Variants in RBFOX1 observed in about 807,000 individuals in gnomAD.
The protein encoded by RBFOX1 is RNA binding protein fox-1 homolog 1.
Under a neutral mutation model 57.7 loss-of-function variants are expected in RBFOX1, and 8 were observed. The observed-to-expected ratio is 0.14, with a 90% CI of 0.08 to 0.25. The LOEUF (loss-of-function observed/expected upper bound fraction) is 0.25, where lower values mean the gene tolerates loss of function less well. RBFOX1 is among the 10% of genes least tolerant of loss of function. The pLI is 1.00. For missense variants in RBFOX1, 611 were observed against 548.5 expected (o/e 1.11, Z -1.14); for synonymous variants, 326 against 222.4 (o/e 1.47, Z -4.15).
intron 4 of RBFOX1, among the ~76,000 whole-genome samples, chr16:7,198,372 T>A (rs947660927): frequency 2.0e-5 from 3 of 152,224 alleles, no homozygotes; most frequent in Non-Finnish European, 4.4e-5. Flanking sequence ...GTGGTAGTTG[T>A]GCAACATTGT....
At chr16:5,451,786 G>C (rs1338067128) in intron 1 of RBFOX1, among the ~76,000 whole-genome samples, 1 of 152,036 alleles carries the variant, frequency 6.6e-6, no homozygotes, top group East Asian at 1.9e-4. Flanking sequence ...TCGTGTACCA[G>C]GCTACCTGAG....
At chr16:7,403,163 G>T (rs1236182098) in intron 4 of RBFOX1, among the ~76,000 whole-genome samples, 1 of 152,086 alleles carries the variant, frequency 6.6e-6, no homozygotes, top group Admixed American at 6.5e-5. Flanking sequence ...TTTGATATAT[G>T]TATACATTAT....
chr16:6,753,232 T>G (rs1241389703), intron 3 of RBFOX1, among the ~76,000 whole-genome samples: 1 of 152,206 alleles, frequency 6.6e-6, no homozygotes, highest in East Asian at 1.9e-4. Context: ...ATAGCTGGGA[T>G]AAAGCAAGTA....
At chr16:5,647,537 C>A (rs1002473193) in intron 3 of RBFOX1, among the ~76,000 whole-genome samples, 1 of 152,122 alleles carries the variant, frequency 6.6e-6, no homozygotes, top group African/African-American at 2.4e-5. Flanking sequence ...AGGCACTGAG[C>A]AAATGTTAGT....
chr16:6,457,202 T>C (rs1033607758), intron 2 of RBFOX1, among the ~76,000 whole-genome samples: 1 of 152,144 alleles, frequency 6.6e-6, no homozygotes, highest in African/African-American at 2.4e-5. Context: ...TAAGACAGTC[T>C]AAGCACCAGT....
intron 4 of RBFOX1, among the ~76,000 whole-genome samples, chr16:7,183,075 G>C (rs1332813897): frequency 6.6e-6 from 1 of 152,136 alleles, no homozygotes; most frequent in Non-Finnish European, 1.5e-5. Context: ...GTAAGCGAAT[G>C]ATCCCCTAAC....
chr16:6,413,668 C>A (rs913186336), intron 2 of RBFOX1, among the ~76,000 whole-genome samples: 1 of 152,026 alleles, frequency 6.6e-6, no homozygotes, highest in Non-Finnish European at 1.5e-5. Context: ...GAATGAGAGC[C>A]ATTTTGTTGG....
intron 3 of RBFOX1, among the ~76,000 whole-genome samples, chr16:5,663,985 C>G (rs746972972): frequency 1.3e-5 from 2 of 152,130 alleles, no homozygotes; most frequent in Non-Finnish European, 2.9e-5. Flanking sequence ...GGCGAAATTC[C>G]TCAGTATGAA....
intron 2 of RBFOX1, among the ~76,000 whole-genome samples, chr16:6,506,741 G>T (rs1290728913): frequency 7.0e-6 from 1 of 143,112 alleles, no homozygotes; most frequent in Non-Finnish European, 1.5e-5. Context: ...TCTGCCTCCA[G>T]GTTCAGGTGA....
At chr16:6,513,262 G>A (rs2096290792) in intron 2 of RBFOX1, among the ~76,000 whole-genome samples, 1 of 152,188 alleles carries the variant, frequency 6.6e-6, no homozygotes, top group Admixed American at 6.5e-5. Context: ...TAGCACAGTG[G>A]TTGCCACGTA....
At chr16:6,642,979 G>A (rs4786899) in intron 2 of RBFOX1, among the ~76,000 whole-genome samples, 8 of 152,070 alleles carry the variant, frequency 5.3e-5, no homozygotes, top group African/African-American at 1.9e-4. Context: ...CTCTTACATC[G>A]TGAGTCATCT....
chr16:7,070,700 A>G (rs1237155587), intron 4 of RBFOX1, among the ~76,000 whole-genome samples: 1 of 152,204 alleles, frequency 6.6e-6, no homozygotes, highest in African/African-American at 2.4e-5. Context: ...TTTAGTAATA[A>G]TACTTTTCTA....
intron 4 of RBFOX1, among the ~76,000 whole-genome samples, chr16:7,407,050 G>C (rs560222934): frequency 8.5e-5 from 13 of 152,072 alleles, no homozygotes; most frequent in African/African-American, 2.9e-4. Context: ...TCCCCATCTC[G>C]AGACCCTGAT....
intron 3 of RBFOX1, among the ~76,000 whole-genome samples, chr16:5,771,318 C>T (rs992569291): frequency 6.6e-6 from 1 of 152,224 alleles, no homozygotes; most frequent in African/African-American, 2.4e-5. Context: ...AGGGTGAGGT[C>T]TACATGTACC....
At chr16:5,944,823 G>C (rs1453473513) in intron 4 of RBFOX1, among the ~76,000 whole-genome samples, 1 of 85,876 alleles carries the variant, frequency 1.2e-5, no homozygotes, top group African/African-American at 4.4e-5. Flanking sequence ...GCTGGGTGTG[G>C]TGTCACACAC....
intron 1 of RBFOX1, among the ~76,000 whole-genome samples, chr16:5,433,154 A>G (rs2067805769): frequency 6.6e-6 from 1 of 152,138 alleles, no homozygotes; most frequent in Admixed American, 6.5e-5. Context: ...AAGTGCTGGG[A>G]TTACACGTGT....
chr16:7,396,549 A>G (rs2148645273), intron 4 of RBFOX1, among the ~76,000 whole-genome samples: 1 of 152,262 alleles, frequency 6.6e-6, no homozygotes, highest in Non-Finnish European at 1.5e-5. Flanking sequence ...TGCGGACCTC[A>G]CGTGCTGAGT....
chr16:6,788,578 C>G (rs1467074316), intron 3 of RBFOX1, among the ~76,000 whole-genome samples: 1 of 151,912 alleles, frequency 6.6e-6, no homozygotes, highest in African/African-American at 2.4e-5. Context: ...TGGGTTCACG[C>G]CATTCTCCTG....
intron 3 of RBFOX1, among the ~76,000 whole-genome samples, chr16:7,020,478 C>G (rs1381768613): frequency 2.0e-5 from 3 of 152,142 alleles, no homozygotes; most frequent in South Asian, 2.1e-4. Context: ...CTCAACCTCC[C>G]AAAGTGCTGG....
Sources: gnomAD v4.1 joint callset for allele counts (sites outside exome capture counted in the v4.1 genomes callset) on GRCh38, gnomAD v4.1.1 for gene constraint, MANE v1.5 for transcripts, NCBI Gene and HGNC (gene_info 2026-07-23, HGNC 2026-07-21) for gene names.